Variants in HNF4A observed in about 807,000 individuals in gnomAD.
HNF4A encodes hepatocyte nuclear factor 4-alpha.
A neutral mutation model predicts 52.4 loss-of-function variants in HNF4A; 15 were observed. The ratio of observed to expected loss-of-function variants is 0.29; its 90% confidence interval spans 0.19 to 0.44. The LOEUF is 0.44. HNF4A is among the 20% of genes least tolerant of loss of function. The pLI is 1.00. For missense variants in HNF4A, 479 were observed against 647.2 expected, an observed-to-expected ratio of 0.74 and a Z score of 2.82; for synonymous variants, 280 against 264.4, an observed-to-expected ratio of 1.06 and a Z score of -0.57.
chr20:44,380,930 G>T (rs2063145459), intron 1 of HNF4A, among the ~76,000 whole-genome samples: 1 of 152,072 alleles, frequency 6.6e-6, no homozygotes, highest in South Asian at 2.1e-4. Flanking sequence ...TTCGTATATG[G>T]TGTAAGGAAA....
chr20:44,371,320 G>A lies in HNF4A; in HGVS notation c.49+15467G>A, dbSNP rs564717351. 1.2e-4 allele frequency among the ~76,000 whole-genome samples: 19 copies of A among 152,212 alleles called. No individual in the cohort carries two copies. The South Asian group carries it at 3.3e-3, about 27-fold the overall frequency. On this transcript the variant is annotated intron_variant, in intron 1 of 9. Transcript: ENST00000316673. ...GAGACGGAGTCTCAATCTTGTCGCC[G>A]AGGCTGGAATGCAATGGTTCGATCT...
chr20:44,426,588 G>A (rs945133338), intron 8 of HNF4A, among the ~76,000 whole-genome samples: 3 of 152,068 alleles, frequency 2.0e-5, no homozygotes, highest in Non-Finnish European at 4.4e-5. Context: ...TGGATCACTT[G>A]AGGCTAGGAG....
downstream of HNF4A, chr20:44,433,478 C>T (rs1026532704): frequency 2.7e-4 from 41 of 152,578 alleles, no homozygotes; most frequent in East Asian, 7.7e-3. Context: ...CTCAGGAGTT[C>T]GAGACCAGCC....
intron 3 of HNF4A, among the ~76,000 whole-genome samples, chr20:44,407,757 TTGTGTGTGTG>T (rs35406830): frequency 7.6e-4 from 111 of 145,948 alleles, no homozygotes; most frequent in African/African-American, 2.5e-3. Flanking sequence ...AGCAGCCACG[TTGTGTGTGTG>T]TGTGTGTGTG....
At chr20:44,416,587 G>A (rs1360327997) in intron 5 of HNF4A, among the ~76,000 whole-genome samples, 1 of 152,216 alleles carries the variant, frequency 6.6e-6, no homozygotes, top group East Asian at 1.9e-4. Context: ...TCCCTCCCAG[G>A]CAGTTTCCTC....
At chr20:44,404,923 GTGTGTGGTGTGTGTGCGTGTGTGGGAAC>G (rs1348300254) in intron 1 of HNF4A, among the ~76,000 whole-genome samples, 15 of 42,448 alleles carry the variant, frequency 3.5e-4, no homozygotes, top group Non-Finnish European at 6.6e-4. Context: ...GTGTGTGCTT[GTGTGTGGTGTGTGTGCGTGTGTGGGAAC>G]TGTGTGGTGT....
chr20:44,410,247 C>T (rs1183385410), intron 3 of HNF4A, among the ~76,000 whole-genome samples: 2 of 152,240 alleles, frequency 1.3e-5, no homozygotes, highest in African/African-American at 2.4e-5. Context: ...TAGCTGCTTG[C>T]TTCCTGGCCC....
chr20:44,361,912 C>G (rs1253453461), intron 1 of HNF4A, among the ~76,000 whole-genome samples: 1 of 152,018 alleles, frequency 6.6e-6, no homozygotes, highest in Non-Finnish European at 1.5e-5. Flanking sequence ...TAAGCTGGAA[C>G]CTCGGTTTAG....
In HNF4A at chr20:44,401,463, G is replaced by A; in HGVS notation, c.91G>A (p.Val31Met). Residue 31 changes from valine to methionine, a missense_variant, in exon 1 of 10, where the codon GTG becomes ATG. Physicochemically the swap from Val to Met is conservative, Grantham distance 21. This residue lies in a region of HNF4A where 90 missense variants were observed against 105.5 expected (regional missense o/e 0.85). Coordinates refer to ENST00000316099, the MANE Select transcript of HNF4A (RefSeq NM_000457.6). Reference sequence around the variant, plus strand: ...CTACACCACCCTGGAATTTGAGAATGTGCAGGTGTTGACGATGGGCAATGG... The same window carrying A: ...CTACACCACCCTGGAATTTGAGAATATGCAGGTGTTGACGATGGGCAATGG... 2 of 1,614,258 alleles carry A rather than the reference G, an allele frequency of 1.2e-6. No homozygotes were observed. The highest frequency in any genetic ancestry group is 1.7e-6 in the Non-Finnish European group (2 of 1,180,056).
intron 1 of HNF4A, 90 bp downstream of exon 1, chr20:44,355,943 C>A: frequency 1.8e-6 from 2 of 1,119,650 alleles, no homozygotes; most frequent in Non-Finnish European, 2.6e-6. Flanking sequence ...TTCTTACGGG[C>A]CCAAAGCTCC....
rs149609602 is a variant in HNF4A at position 44,378,627 on chromosome 20, T to G, written c.49+22774T>G. On this transcript the variant is annotated intron_variant, in intron 1 of 9. Transcript: ENST00000316673. ...ATATATTCACATTGTAATACAACCATCAGCACCATCCATCACCTGAACTTT... is the reference window on the plus strand; with the variant it reads ...ATATATTCACATTGTAATACAACCAGCAGCACCATCCATCACCTGAACTTT... Among the ~76,000 whole-genome samples, 418 of 152,192 alleles carry G rather than the reference T, an allele frequency of 2.7e-3. 1 individual carries two copies. The highest frequency in any genetic ancestry group is 9.1e-3 in the African/African-American group (377 of 41,520).
At chr20:44,368,410 A>G (rs1005114751) in intron 1 of HNF4A, among the ~76,000 whole-genome samples, 18 of 151,246 alleles carry the variant, frequency 1.2e-4, no homozygotes, top group Admixed American at 8.6e-4. Context: ...CAAGTGATCC[A>G]CCTGCCTCGG....
chr20:44,428,530 G>T, intron 9 of HNF4A, 43 bp downstream of exon 9: 1 of 1,593,936 alleles, frequency 6.3e-7, no homozygotes, highest in Non-Finnish European at 8.6e-7. Flanking sequence ...GGTGAGGATG[G>T]GGCTTAAGAC....
chr20:44,378,302 T>A (rs1171057080), intron 1 of HNF4A, among the ~76,000 whole-genome samples: 3 of 150,800 alleles, frequency 2.0e-5, no homozygotes, highest in Non-Finnish European at 4.4e-5. Context: ...AGAGTCTTAC[T>A]CTGTCGCCCG....
At chr20:44,401,846 G>A (rs144736339) in intron 1 of HNF4A, among the ~76,000 whole-genome samples, 63 of 152,272 alleles carry the variant, frequency 4.1e-4, no homozygotes, top group African/African-American at 1.1e-3. Context: ...AGCCCAGCAC[G>A]GCCCCTTCGT....
intron 7 of HNF4A, among the ~76,000 whole-genome samples, chr20:44,422,784 A>T (rs1333166095): frequency 1.3e-5 from 2 of 151,468 alleles, no homozygotes; most frequent in African/African-American, 4.9e-5. Flanking sequence ...GTTTCAAGCG[A>T]TTCTCCCACC....
At chr20:44,424,370 A>G in intron 8 of HNF4A, 116 bp downstream of exon 8, 3 of 1,527,036 alleles carry the variant, frequency 2.0e-6, no homozygotes, top group Non-Finnish European at 2.7e-6. Flanking sequence ...GCTTTGGGCA[A>G]GTTGCTTAAC....
At chr20:44,402,059 T>C (rs2063417274) in intron 1 of HNF4A, among the ~76,000 whole-genome samples, 1 of 151,928 alleles carries the variant, frequency 6.6e-6, no homozygotes, top group African/African-American at 2.4e-5. Context: ...TGTGCGTTCG[T>C]GTGTGATAGT....
chr20:44,378,589 T>G (rs959678582), intron 1 of HNF4A, among the ~76,000 whole-genome samples: 13 of 151,968 alleles, frequency 8.6e-5, no homozygotes, highest in African/African-American at 2.4e-4. Flanking sequence ...AACGTACAGT[T>G]CAGAGACATT....
Sources: allele counts gnomAD v4.1 joint callset (sites outside exome capture counted in the v4.1 genomes callset), GRCh38; gene constraint gnomAD v4.1.1; regional missense constraint gnomAD v4.1.1; transcripts MANE v1.5; gene names NCBI Gene and HGNC (gene_info 2026-07-23, HGNC 2026-07-21).